The following TASP1 variants were observed in gnomAD, a reference collection of about 807,000 sequenced individuals.
TASP1 encodes the protein taspase 1, also known as threonine aspartase 1.
Under a neutral mutation model 56.6 loss-of-function variants are expected in TASP1, and 16 were observed. The observed-to-expected ratio is 0.28, with a 90% CI of 0.19 to 0.43. The LOEUF is 0.43. Ranked by LOEUF, TASP1 falls within the 20% of genes least tolerant of loss-of-function variation. The probability of loss-of-function intolerance (pLI) is 1.00; values close to 1 mark genes in which losing one functional copy is unlikely to be tolerated. For synonymous variants in TASP1, 179 were observed against 184.2 expected (o/e 0.97, Z 0.23); for missense variants, 393 against 511.6 (o/e 0.77, Z 2.24).
intron 13 of TASP1, among the ~76,000 whole-genome samples, chr20:13,394,361 A>G (rs1339121281): frequency 6.7e-6 from 1 of 149,072 alleles, no homozygotes; most frequent in African/African-American, 2.5e-5. Context: ...CTGTAATCCC[A>G]GCACTTTGGG....
intron 10 of TASP1, among the ~76,000 whole-genome samples, chr20:13,506,436 G>A (rs1050768320): frequency 6.6e-6 from 1 of 152,148 alleles, no homozygotes; most frequent in African/African-American, 2.4e-5. Context: ...CAAAGGCATT[G>A]TAAGAAAAGA....
the TASP1 span, among the ~76,000 whole-genome samples, chr20:13,256,034 G>T: frequency 6.6e-5 from 10 of 152,034 alleles, no homozygotes; most frequent in Non-Finnish European, 1.5e-4. Context: ...CAGCCAGTAG[G>T]AGAGCATCAG....
At chr20:13,200,902 T>C in the TASP1 span, among the ~76,000 whole-genome samples, 1 of 152,206 alleles carries the variant, frequency 6.6e-6, no homozygotes, top group Non-Finnish European at 1.5e-5. Flanking sequence ...CTATAAACAT[T>C]AATTAATTTA....
the TASP1 span, among the ~76,000 whole-genome samples, chr20:13,351,937 A>G: frequency 6.6e-6 from 1 of 152,238 alleles, no homozygotes; most frequent in African/African-American, 2.4e-5. Context: ...GGCAAGCATG[A>G]CAGAAGAACT....
intron 10 of TASP1, among the ~76,000 whole-genome samples, chr20:13,509,508 G>A (rs1401161298): frequency 2.0e-5 from 3 of 152,054 alleles, no homozygotes; most frequent in East Asian, 1.9e-4. Context: ...ACCAAAAAAG[G>A]TAACTATGTG....
chr20:13,173,690 T>C, the TASP1 span, among the ~76,000 whole-genome samples: 2 of 152,156 alleles, frequency 1.3e-5, no homozygotes, highest in African/African-American at 4.8e-5. Context: ...ACCTCTGTGA[T>C]CTTTGCTCTG....
chr20:13,179,244 A>G, the TASP1 span, among the ~76,000 whole-genome samples: 32 of 152,288 alleles, frequency 2.1e-4, no homozygotes, highest in Admixed American at 3.3e-4. Context: ...TTATTTGACA[A>G]GTTTAATTAA....
At chr20:13,155,185 C>T in the TASP1 span, among the ~76,000 whole-genome samples, 5 of 134,100 alleles carry the variant, frequency 3.7e-5, no homozygotes, top group African/African-American at 1.4e-4. Context: ...GAGACCCTGT[C>T]AAAAAAAAAA....
chr20:13,206,926 G>A, the TASP1 span, among the ~76,000 whole-genome samples: 2 of 152,034 alleles, frequency 1.3e-5, no homozygotes, highest in African/African-American at 2.4e-5. Context: ...AATAATGGAG[G>A]GGTTATATAG....
At chr20:13,130,489 G>A in the TASP1 span, among the ~76,000 whole-genome samples, 1,957 of 152,330 alleles carry the variant, frequency 0.013, 34 homozygotes, top group Non-Finnish European at 0.021. Flanking sequence ...TTCAAAGAAA[G>A]GCAAGCTACA....
intron 11 of TASP1, among the ~76,000 whole-genome samples, chr20:13,466,670 G>A (rs2044271401): frequency 6.6e-6 from 1 of 152,190 alleles, no homozygotes; most frequent in South Asian, 2.1e-4. Context: ...GAACTCTAGA[G>A]GTGGAAGTTG....
At chr20:13,441,906 A>G (rs550969491) in intron 11 of TASP1, among the ~76,000 whole-genome samples, 9 of 152,194 alleles carry the variant, frequency 5.9e-5, no homozygotes, top group African/African-American at 1.9e-4. Context: ...CTGTAAAAAG[A>G]GATATGCATC....
chr20:13,636,761 A>T (rs1247776353), intron 1 of TASP1, among the ~76,000 whole-genome samples: 1 of 152,192 alleles, frequency 6.6e-6, no homozygotes, highest in African/African-American at 2.4e-5. Flanking sequence ...GGTTTCTACC[A>T]TTCAATGGAG....
At chr20:13,177,501 AC>A in the TASP1 span, among the ~76,000 whole-genome samples, 59 of 152,318 alleles carry the variant, frequency 3.9e-4, no homozygotes, top group African/African-American at 1.3e-3. Flanking sequence ...ACACTGCCAG[AC>A]ATCAAAATAT....
the TASP1 span, among the ~76,000 whole-genome samples, chr20:13,136,683 A>T: frequency 6.8e-6 from 1 of 147,660 alleles, no homozygotes; most frequent in South Asian, 2.1e-4. Flanking sequence ...ATACTTATAT[A>T]GTATATAAAT....
At chr20:13,137,863 C>G in the TASP1 span, among the ~76,000 whole-genome samples, 5 of 152,274 alleles carry the variant, frequency 3.3e-5, no homozygotes, top group African/African-American at 1.2e-4. Flanking sequence ...CTTCACCACA[C>G]AGACCTTCCT....
chr20:13,253,580 A>G, the TASP1 span, among the ~76,000 whole-genome samples: 1 of 152,102 alleles, frequency 6.6e-6, no homozygotes, highest in East Asian at 1.9e-4. Context: ...GCCTGCAGAG[A>G]ATCGCCAGGA....
chr20:13,485,301 T>C (rs1221414108), intron 10 of TASP1, among the ~76,000 whole-genome samples: 1 of 152,106 alleles, frequency 6.6e-6, no homozygotes, highest in African/African-American at 2.4e-5. Context: ...AGAAATAAGA[T>C]TACATTCCTC....
chr20:13,184,759 T>C, the TASP1 span, among the ~76,000 whole-genome samples: 1,640 of 152,228 alleles, frequency 0.011, 9 homozygotes, highest in Admixed American at 0.015. Flanking sequence ...AAAATACATA[T>C]TTAAGAAGTT....
Sources: gnomAD v4.1 joint callset for allele counts (sites outside exome capture counted in the v4.1 genomes callset) on GRCh38, gnomAD v4.1.1 for gene constraint, MANE v1.5 for transcripts, NCBI Gene and HGNC (gene_info 2026-07-23, HGNC 2026-07-21) for gene names.